USP34: variants seen among roughly 807,000 people sequenced by gnomAD.
The protein encoded by USP34 is ubiquitin specific peptidase 34, also known as ubiquitin carboxyl-terminal hydrolase 34.
A neutral mutation model predicts 460.3 loss-of-function variants in USP34; 70 were observed. The ratio of observed to expected loss-of-function variants is 0.15; its 90% CI spans 0.13 to 0.19. The LOEUF (loss-of-function observed/expected upper bound fraction) is 0.19. USP34 is among the 10% of genes least tolerant of loss of function. The probability of loss-of-function intolerance (pLI) is 1.00; values close to 1 mark genes in which losing one functional copy is unlikely to be tolerated. For missense variants in USP34, 3,985 were observed against 4,236.2 expected, an observed-to-expected ratio of 0.94 and a Z score of 1.65; for synonymous variants, 1,647 against 1,405.3, an observed-to-expected ratio of 1.17 and a Z score of -3.85.
At chr2:61,406,405 G>C (rs1400401321) in intron 2 of USP34, among the ~76,000 whole-genome samples, 1 of 152,042 alleles carries the variant, frequency 6.6e-6, no homozygotes, top group Admixed American at 6.6e-5. Context: ...TTAAAAACAA[G>C]AATTGTGACA....
In USP34 at chr2:61,297,963, G is replaced by C. The variant is rs148373174; in HGVS notation, c.4129-1038C>G. On this transcript the variant is annotated intron_variant, in intron 29 of 79. Transcript: ENST00000398571. ...CACTTGCGCTATACTTGAGGAAATG[G>C]CACTCAGTTCTTCAATAAAACAACT... Among the ~76,000 whole-genome samples the C allele has an allele frequency of 5.1e-3, 771 of 152,112 alleles. 5 individuals carry two copies. The highest frequency in any genetic ancestry group is 0.018 in the African/African-American group (729 of 41,510).
Position 61,420,980 on chromosome 2 carries a change from A to G in USP34, c.44-147T>C, listed in dbSNP as rs1284649029. ...AAAGAAAATAAGTCTACTTTTAATT[A>G]ATAACTCATATGGACTTAAGAACAG... On this transcript the variant is annotated intron_variant, in intron 1 of 79. Coordinates refer to ENST00000398571, the MANE Select transcript of USP34 (RefSeq NM_014709.4). 3 of 580,070 alleles carry G rather than the reference A, an allele frequency of 5.2e-6. No homozygotes were observed. In the Admixed American group the frequency reaches 1.1e-4, roughly 21 times the overall value. The allele number at this position is 580,070 out of a possible 1,614,324, so 35.9% of individuals were successfully genotyped here.
Position 61,278,234 on chromosome 2 carries a change from T to C in USP34, c.5364A>G (p.Thr1788=). The change falls in exon 41 of 80, where the codon ACA becomes ACG. Residue 1788 remains threonine (T), a synonymous_variant. Transcript: ENST00000398571. The stretch of plus-strand genomic sequence containing the variant: ...CACTTGTTGCAAGCCTTAGGAGTCC[T>C]GTAAGCCCATCATCTTCTACATTAC... The part of the protein sequence containing the change: ...QDGNVEDDGL[T]GLLRLATSVV... 6.2e-7 allele frequency: 1 copy of C among 1,613,730 alleles called. No homozygotes were observed.
In USP34 at chr2:61,393,732, A is replaced by C. The variant is rs182442035; in HGVS notation, c.753+1121T>G. 5.7e-3 allele frequency among the ~76,000 whole-genome samples: 873 copies of C among 152,330 alleles called. 8 individuals are homozygous for C. The highest frequency in any genetic ancestry group is 6.6e-3 in the Non-Finnish European group (448 of 68,034). ...TTAATTAAGGTAATTCCATTACACA[A>C]GATTTCAGTGTTTGGTAAAGGTACA... On this transcript the variant is annotated intron_variant, in intron 5 of 79. Coordinates refer to ENST00000398571, the MANE Select transcript of USP34 (RefSeq NM_014709.4).
In USP34 at chr2:61,227,200, A is replaced by G. The variant is rs1394813817; in HGVS notation, c.7462T>C (p.Ser2488Pro). ...GPENPQVEVL[S>P]EEEGEEEEEE... ...TCTTCTTCTTCCCCTTCTTCCTCTG[A>G]TAACACTTCAACTTGAGGCTAAGTT... The change falls in exon 62 of 80, where the codon TCA becomes CCA. Residue 2488 changes from serine to proline, a missense_variant. Ser to Pro is a moderately conservative substitution (Grantham distance 74). Around this residue, in one of 14 missense-constraint regions of USP34, gnomAD observed 604 missense variants for 684.8 expected, o/e 0.88. Transcript: ENST00000398571. 3.1e-6 allele frequency: 5 copies of G among 1,612,446 alleles called. No homozygotes were observed. The highest frequency in any genetic ancestry group is 1.3e-5 in the African/African-American group (1 of 74,952).
Position 61,339,405 on chromosome 2 carries a change from C to G in USP34, c.2690G>C (p.Arg897Thr). 6.2e-7 allele frequency: 1 copy of G among 1,609,674 alleles called. No individual in the cohort carries two copies. The highest frequency in any genetic ancestry group is 8.5e-7 in the Non-Finnish European group (1 of 1,178,008). ...TTCAATGAATCTCATTCGAATTTGT[C>G]TATCTGTAAACCAACATACTAACGA... ...LCSLVCWFTDRQIRMRFIEGC... is the reference protein window; with the variant it reads ...LCSLVCWFTDTQIRMRFIEGC... The change falls in exon 18 of 80, where the codon AGA becomes ACA. Residue 897 changes from arginine to threonine, a missense_variant. Arg to Thr is a moderately conservative substitution (Grantham distance 71). Transcript: ENST00000398571.
chr2:61,470,967 C>CGGGGGGAGGGGAGAG lies in USP34; in HGVS notation c.-290_-276dup, dbSNP rs1328289336. ...CGGCGGCGGGGAAGGGGGGGAAGGA[C>CGGGGGGAGGGGAGAG]GGGGGGAGGGGAGAGGGGGGGAGGG... On this transcript the variant is annotated 5_prime_UTR_variant, in exon 1 of 80. Transcript: ENST00000398571. Among the ~76,000 whole-genome samples, 1 of 13,772 alleles carries CGGGGGGAGGGGAGAG rather than the reference C, an allele frequency of 7.3e-5. No individual in the cohort carries two copies. Among genetic ancestry groups the CGGGGGGAGGGGAGAG allele is most frequent in the Admixed American group, 8.3e-4 (1 of 1,212 alleles). The allele number at this position is 13,772 out of a possible 152,430, so 9.0% of individuals were successfully genotyped here.
chr2:61,197,044 G>A (rs1005169194), intron 75 of USP34, among the ~76,000 whole-genome samples: 3 of 152,172 alleles, frequency 2.0e-5, no homozygotes, highest in Admixed American at 6.5e-5. Flanking sequence ...GGAGGCCAAG[G>A]TTGGTGGATC....
chr2:61,247,655 A>T (rs1688452869), intron 49 of USP34, among the ~76,000 whole-genome samples: 1 of 152,116 alleles, frequency 6.6e-6, no homozygotes, highest in Admixed American at 6.6e-5. Context: ...CAGCCTCCTA[A>T]TAGCTGTGAC....
chr2:61,369,863 T>C (rs1692561469), intron 10 of USP34, among the ~76,000 whole-genome samples: 4 of 150,562 alleles, frequency 2.7e-5, no homozygotes, highest in Admixed American at 2.7e-4. Flanking sequence ...TACAAAAAAA[T>C]CTGATATACC....
At chr2:61,288,422 T>C (rs1163378415) in intron 34 of USP34, among the ~76,000 whole-genome samples, 1 of 152,208 alleles carries the variant, frequency 6.6e-6, no homozygotes, top group Non-Finnish European at 1.5e-5. Flanking sequence ...ATCCCCAAAG[T>C]ATATAAATTA....
Position 61,470,869 on chromosome 2 carries a change from G to C in USP34, c.-177C>G, listed in dbSNP as rs1195556172. Reference sequence around the variant, plus strand: ...AGCAAGAGAATGGGGGAGGGGGCCGGCGGTCCCCGCAGCGGGAGGGGGAGA... The same window carrying C: ...AGCAAGAGAATGGGGGAGGGGGCCGCCGGTCCCCGCAGCGGGAGGGGGAGA... On this transcript the variant is annotated 5_prime_UTR_variant, in exon 1 of 80. Transcript: ENST00000398571. 1 of 363,934 alleles carries C rather than the reference G, an allele frequency of 2.7e-6. No homozygotes were observed. The allele number at this position is 363,934 out of a possible 1,614,324, so 22.5% of individuals were successfully genotyped here. A position where few individuals can be genotyped will look rare whatever the true frequency, so the allele number is the denominator to read the frequency against.
intron 38 of USP34, 139 bp from the exon 39 acceptor site, chr2:61,280,487 C>T (rs925503002): frequency 2.4e-6 from 1 of 410,306 alleles, no homozygotes. Context: ...AAATGGAGTA[C>T]ACGCTTAGTT....
chr2:61,279,092 C>G (rs1035029821), intron 39 of USP34, among the ~76,000 whole-genome samples: 1 of 151,246 alleles, frequency 6.6e-6, no homozygotes, highest in African/African-American at 2.4e-5. Flanking sequence ...TGGGCAAGCC[C>G]AGGTTGTTTT....
chr2:61,188,296 A>T lies in USP34; in HGVS notation c.10447T>A (p.Leu3483Met). The change falls in exon 80 of 80, where the codon TTG becomes ATG. Residue 3483 changes from leucine (L) to methionine (M), a missense_variant. By Grantham distance (15) the Leu-to-Met change is conservative (BLOSUM62 2). Around this residue, in one of 14 missense-constraint regions of USP34, gnomAD observed 506 missense variants for 439.0 expected, o/e 1.15. Transcript: ENST00000398571. ...AAAGCTTGGCCATCACAGCTTCTCA[A>T]GTCAGCTAAGTCAGACAGAACTGCA... The part of the protein sequence containing the change: ...ISAVLSDLAD[L>M]RSCDGQALPS... 1.2e-6 allele frequency: 2 copies of T among 1,613,830 alleles called. No homozygotes were observed. The highest frequency in any genetic ancestry group is 1.7e-6 in the Non-Finnish European group (2 of 1,180,032).
chr2:61,319,553 G>C (rs1690850721), intron 21 of USP34, among the ~76,000 whole-genome samples: 1 of 141,884 alleles, frequency 7.0e-6, no homozygotes, highest in Admixed American at 7.1e-5. Flanking sequence ...AAAAAAAAAA[G>C]AATCACAGCA....
At chr2:61,189,635 C>G (rs182364148) in intron 78 of USP34, 2 of 152,426 alleles carry the variant, frequency 1.3e-5, no homozygotes, top group East Asian at 1.9e-4. Flanking sequence ...TAAGTCAGAC[C>G]AAAGCCTGAA....
At chr2:61,304,403 T>C (rs1451438176) in intron 27 of USP34, among the ~76,000 whole-genome samples, 5 of 152,236 alleles carry the variant, frequency 3.3e-5, no homozygotes, top group South Asian at 4.1e-4. Context: ...CAATATTCTA[T>C]GTGTTAATGA....
intron 10 of USP34, among the ~76,000 whole-genome samples, chr2:61,361,103 A>G (rs936719476): frequency 2.0e-5 from 3 of 152,230 alleles, no homozygotes; most frequent in Admixed American, 1.3e-4. Context: ...AATACATTAC[A>G]TGACTACAGT....
Sources: gnomAD v4.1 joint callset for allele counts (sites outside exome capture counted in the v4.1 genomes callset) on GRCh38, gnomAD v4.1.1 for gene constraint, gnomAD v4.1.1 regional missense constraint, MANE v1.5 for transcripts, NCBI Gene and HGNC (gene_info 2026-07-23, HGNC 2026-07-21) for gene names.